The following PCDHA4 variants were observed in gnomAD, a reference collection of about 807,000 sequenced individuals.
PCDHA4 encodes the protein protocadherin alpha-4.
In PCDHA4, 49 loss-of-function variants were observed where a neutral mutation model predicts 61.4. The ratio of observed to expected loss-of-function variants is 0.80; its 90% CI spans 0.63 to 1.01. The LOEUF is 1.01. Among genes scored for constraint, PCDHA4 ranks in the 50% least tolerant of loss-of-function variants. The probability of loss-of-function intolerance (pLI) is 0.00; values close to 1 mark genes in which losing one functional copy is unlikely to be tolerated. For synonymous variants in PCDHA4, 590 were observed against 550.3 expected, an observed-to-expected ratio of 1.07 and a Z score of -1.01; for missense variants, 1,254 against 1,235.8, an observed-to-expected ratio of 1.01 and a Z score of -0.22.
chr5:140,995,684 A>G (rs2097694657), intron 3 of PCDHA4, among the ~76,000 whole-genome samples: 1 of 152,144 alleles, frequency 6.6e-6, no homozygotes, highest in Non-Finnish European at 1.5e-5. Context: ...ATTTTTTTTA[A>G]TTGTTAAATA....
Position 140,881,064 on chromosome 5 carries a change from T to C in PCDHA4, c.2385+71492T>C, listed in dbSNP as rs191524582. On this transcript the variant is annotated intron_variant, in intron 1 of 3. Transcript: ENST00000530339. ...AGAGTTGTGCACAGAACAGGCCAGA[T>C]AATTATTGGAGCTATGATATATTTT... Among the ~76,000 whole-genome samples, 392 of 152,302 alleles carry C rather than the reference T, an allele frequency of 2.6e-3. 1 individual carries two copies. The highest frequency in any genetic ancestry group is 9.1e-3 in the African/African-American group (379 of 41,556).
At chr5:140,917,117 C>A (rs1318149439) in intron 1 of PCDHA4, among the ~76,000 whole-genome samples, 1 of 152,018 alleles carries the variant, frequency 6.6e-6, no homozygotes, top group Non-Finnish European at 1.5e-5. Flanking sequence ...CCTCCAAGTG[C>A]GCAGACTCCC....
At chr5:141,000,608 A>G (rs1554257700) in intron 3 of PCDHA4, among the ~76,000 whole-genome samples, 2 of 150,664 alleles carry the variant, frequency 1.3e-5, no homozygotes, top group African/African-American at 4.9e-5. Context: ...TTGTATTTTT[A>G]GTAGAGACAG....
chr5:140,903,402 G>T (rs1293264385), intron 1 of PCDHA4, among the ~76,000 whole-genome samples: 6 of 152,192 alleles, frequency 3.9e-5, no homozygotes, highest in Non-Finnish European at 5.9e-5. Context: ...AAACAGTAGT[G>T]CAGTCAGGAA....
At chr5:140,894,068 A>G (rs2064306594) in intron 1 of PCDHA4, among the ~76,000 whole-genome samples, 1 of 152,160 alleles carries the variant, frequency 6.6e-6, no homozygotes, top group Non-Finnish European at 1.5e-5. Context: ...TTTTAAATAC[A>G]TTTATTTTAT....
intron 1 of PCDHA4, among the ~76,000 whole-genome samples, chr5:140,846,287 T>G (rs1554141208): frequency 6.7e-6 from 1 of 149,424 alleles, no homozygotes; most frequent in East Asian, 1.9e-4. Flanking sequence ...ATGTTGTAGT[T>G]CTATGAATTA....
intron 1 of PCDHA4, among the ~76,000 whole-genome samples, chr5:140,911,032 A>G (rs2075293448): frequency 6.6e-6 from 1 of 152,092 alleles, no homozygotes; most frequent in African/African-American, 2.4e-5. Flanking sequence ...TTATAGGTCT[A>G]GAAGCAAACA....
intron 1 of PCDHA4, chr5:140,829,676 G>T (rs1770484799): frequency 2.5e-6 from 4 of 1,613,004 alleles, no homozygotes; most frequent in Admixed American, 1.7e-5. Context: ...CGAGGAGCTA[G>T]AGCTGCTGCA....
intron 1 of PCDHA4, among the ~76,000 whole-genome samples, chr5:140,886,289 T>C (rs115070123): frequency 0.081 from 12,299 of 152,020 alleles, 542 homozygotes; most frequent in Middle Eastern, 0.13. Context: ...ATTATTTTTA[T>C]ATTTATTTAT....
chr5:140,966,786 G>A (rs1554228650), intron 1 of PCDHA4: 2 of 1,526,000 alleles, frequency 1.3e-6, no homozygotes, highest in Admixed American at 1.9e-5. Context: ...GCGGGCACCA[G>A]ACCTGCGGCG....
intron 1 of PCDHA4, among the ~76,000 whole-genome samples, chr5:140,954,774 A>G (rs1396315075): frequency 1.3e-5 from 2 of 152,120 alleles, no homozygotes; most frequent in Admixed American, 1.3e-4. Flanking sequence ...TCTTTAATTT[A>G]ATTAGATCTC....
chr5:141,000,391 C>CTATA (rs2097912428), intron 3 of PCDHA4, among the ~76,000 whole-genome samples: 2 of 56,664 alleles, frequency 3.5e-5, no homozygotes, highest in Non-Finnish European at 6.1e-5. Context: ...CTCTCTCTCT[C>CTATA]TCTCTATATA....
intron 1 of PCDHA4, chr5:140,830,682 T>C: frequency 3.0e-6 from 1 of 332,166 alleles, no homozygotes; most frequent in Non-Finnish European, 5.1e-6. Flanking sequence ...GAAATCACTG[T>C]CCACAATCTG....
chr5:140,823,029 G>C (rs2150121512), intron 1 of PCDHA4: 2 of 1,614,104 alleles, frequency 1.2e-6, no homozygotes, highest in African/African-American at 1.3e-5. Context: ...AGAGCGTGTC[G>C]GTCTATGAGC....
rs1554151138 is a variant in PCDHA4, at chr5:140,858,086, C to A, written c.2385+48514C>A. The A allele has an allele frequency of 2.5e-6, 4 of 1,597,802 alleles. 1 individual carries two copies. Among genetic ancestry groups the A allele is most frequent in the Non-Finnish European group, 2.6e-6 (3 of 1,167,670 alleles). On this transcript the variant is annotated intron_variant, in intron 1 of 3. Transcript: ENST00000530339. The stretch of plus-strand genomic sequence containing the variant: ...CAGCCAGGCACCCAAGGCCTCGTCG[C>A]GGGCTTCAGTGGGCGTGGCGCCCGA...
intron 1 of PCDHA4, chr5:140,821,729 A>G (rs1554128163): frequency 1.3e-6 from 2 of 1,520,058 alleles, no homozygotes; most frequent in Non-Finnish European, 1.8e-6. Context: ...TACAAAATAC[A>G]TTGTGTGGTG....
At chr5:140,882,141 A>G in intron 1 of PCDHA4, 3 of 1,491,636 alleles carry the variant, frequency 2.0e-6, no homozygotes, top group South Asian at 1.4e-5. Flanking sequence ...CAGAAAATAT[A>G]GCAGAAAGCG....
intron 1 of PCDHA4, among the ~76,000 whole-genome samples, chr5:140,894,375 T>G (rs1246573357): frequency 1.3e-5 from 2 of 152,054 alleles, no homozygotes; most frequent in Non-Finnish European, 2.9e-5. Context: ...ATGGCTCCAA[T>G]TATATTTGTA....
chr5:140,823,757 C>T, intron 1 of PCDHA4: 1 of 1,613,910 alleles, frequency 6.2e-7, no homozygotes, highest in Middle Eastern at 1.6e-4. Flanking sequence ...CTGACAGCCA[C>T]AGCCACAGTG....
Sources: allele counts gnomAD v4.1 joint callset (sites outside exome capture counted in the v4.1 genomes callset), GRCh38; gene constraint gnomAD v4.1.1; transcripts MANE v1.5; gene names NCBI Gene and HGNC (gene_info 2026-07-23, HGNC 2026-07-21).